Variants in MEIKIN observed in about 807,000 individuals in gnomAD.
The protein encoded by MEIKIN is meiosis-specific kinetochore protein.
intron 11 of MEIKIN, among the ~76,000 whole-genome samples, chr5:131,845,479 T>G (rs1382831324): frequency 6.6e-6 from 1 of 151,332 alleles, no homozygotes; most frequent in Admixed American, 6.6e-5. Context: ...TGATGATAAA[T>G]GTATTCAAAA....
chr5:131,851,204 G>A, intron 11 of MEIKIN, 60 bp downstream of exon 11: 1 of 395,126 alleles, frequency 2.5e-6, no homozygotes, highest in East Asian at 3.6e-5. Flanking sequence ...CATATACAAA[G>A]TATCTAATGT....
chr5:131,929,761 C>T (rs1321428580), intron 5 of MEIKIN, among the ~76,000 whole-genome samples: 5 of 152,120 alleles, frequency 3.3e-5, no homozygotes, highest in Non-Finnish European at 2.9e-5. Context: ...TGTTTAGTTC[C>T]CACTTATGAG....
intron 8 of MEIKIN, among the ~76,000 whole-genome samples, chr5:131,903,759 G>A (rs534361575): frequency 6.6e-6 from 1 of 152,084 alleles, no homozygotes; most frequent in Admixed American, 6.5e-5. Flanking sequence ...CTAACAACAT[G>A]ACAAAAGGAC....
intron 8 of MEIKIN, among the ~76,000 whole-genome samples, chr5:131,903,489 C>T (rs192958023): frequency 9.2e-5 from 14 of 152,232 alleles, no homozygotes; most frequent in Non-Finnish European, 1.6e-4. Flanking sequence ...AGAATGGGGG[C>T]CTATATTCAG....
chr5:131,910,842 T>C (rs1437558491), intron 8 of MEIKIN, among the ~76,000 whole-genome samples: 3 of 152,092 alleles, frequency 2.0e-5, no homozygotes, highest in East Asian at 1.9e-4. Flanking sequence ...TACAGAAACA[T>C]ACAGAATTCA....
At chr5:131,828,381 T>C (rs1281754656) in intron 11 of MEIKIN, among the ~76,000 whole-genome samples, 1 of 152,164 alleles carries the variant, frequency 6.6e-6, no homozygotes, top group Non-Finnish European at 1.5e-5. Context: ...CAGGCTGGTC[T>C]TGAACTCCTG....
intron 11 of MEIKIN, among the ~76,000 whole-genome samples, chr5:131,835,850 C>T (rs1486481172): frequency 6.6e-6 from 1 of 152,208 alleles, no homozygotes; most frequent in East Asian, 1.9e-4. Context: ...GCCTCGGCCT[C>T]CCAAAGTGCT....
intron 8 of MEIKIN, among the ~76,000 whole-genome samples, chr5:131,884,651 G>A (rs2149630548): frequency 6.6e-6 from 1 of 151,598 alleles, no homozygotes; most frequent in South Asian, 2.1e-4. Flanking sequence ...GAAAAGTGAG[G>A]GAAATGTAAA....
intron 8 of MEIKIN, among the ~76,000 whole-genome samples, chr5:131,901,541 C>G (rs540451445): frequency 1.5e-4 from 23 of 152,266 alleles, no homozygotes; most frequent in Admixed American, 9.2e-4. Context: ...CTGGCATGTA[C>G]AAATCCCACT....
Position 131,945,533 on chromosome 5 carries a change from G to C in MEIKIN, c.-28C>G. On this transcript the variant is annotated 5_prime_UTR_variant, in exon 1 of 13. Transcript: ENST00000442687. Reference sequence around the variant, plus strand: ...CTATCCCACCCTACCCCCAGGCCACGGGTGCCTCTGGACTCTCGATGGCCT... The same window carrying C: ...CTATCCCACCCTACCCCCAGGCCACCGGTGCCTCTGGACTCTCGATGGCCT... 5.0e-6 allele frequency: 2 copies of C among 399,966 alleles called. No homozygotes were observed. The highest frequency in any genetic ancestry group is 8.8e-6 in the Non-Finnish European group (2 of 226,164). The allele number at this position is 399,966 out of a possible 1,614,324, so 24.8% of individuals were successfully genotyped here. A position where few individuals can be genotyped will look rare whatever the true frequency, so the allele number is the denominator to read the frequency against.
intron 12 of MEIKIN, among the ~76,000 whole-genome samples, chr5:131,812,584 G>A (rs1474694937): frequency 6.6e-6 from 1 of 152,208 alleles, no homozygotes; most frequent in East Asian, 1.9e-4. Flanking sequence ...TTTTTTGGAT[G>A]TTGGAGTTAA....
chr5:131,934,513 T>C (rs1751742083), intron 4 of MEIKIN, among the ~76,000 whole-genome samples: 1 of 152,064 alleles, frequency 6.6e-6, no homozygotes, highest in Admixed American at 6.6e-5. Flanking sequence ...TAGGTATCCA[T>C]ATAAAAAAAC....
At position 131,849,418 on chromosome 5, in the gene MEIKIN, T is replaced by C. The variant is rs532982115; in HGVS notation, c.975+1846A>G. On this transcript the variant is annotated intron_variant, in intron 11 of 12. Transcript: ENST00000442687. Reference sequence around the variant, plus strand: ...TCTTTATATATATAAAGAAACCTCTTTTCTTTATATATATAAAGAAACCTC... The same window carrying C: ...TCTTTATATATATAAAGAAACCTCTCTTCTTTATATATATAAAGAAACCTC... Among the ~76,000 whole-genome samples, 158 of 116,676 alleles carry C rather than the reference T, an allele frequency of 1.4e-3. 4 individuals are homozygous for C. Among genetic ancestry groups the C allele is most frequent in the African/African-American group, 4.9e-3 (152 of 31,070 alleles). 76.5% of individuals were successfully genotyped at this position (116,676 alleles called of 152,430 possible).
chr5:131,860,754 C>CTTTTTTTTT (rs35117395), intron 9 of MEIKIN, among the ~76,000 whole-genome samples: 3 of 51,014 alleles, frequency 5.9e-5, no homozygotes, highest in Non-Finnish European at 6.4e-5. Flanking sequence ...GCCTGTTTGG[C>CTTTTTTTTT]TTTTTTTTTT....
intron 6 of MEIKIN, among the ~76,000 whole-genome samples, chr5:131,920,117 G>GT (rs1751480493): frequency 6.6e-6 from 1 of 152,180 alleles, no homozygotes; most frequent in Non-Finnish European, 1.5e-5. Flanking sequence ...TACTAAATGT[G>GT]TTTCTTACAG....
At chr5:131,909,282 A>G (rs1229074453) in intron 8 of MEIKIN, among the ~76,000 whole-genome samples, 1 of 152,156 alleles carries the variant, frequency 6.6e-6, no homozygotes, top group African/African-American at 2.4e-5. Context: ...CACCGAACTC[A>G]TTTTTTACAA....
At chr5:131,912,979 A>G (rs1198888035) in intron 7 of MEIKIN, among the ~76,000 whole-genome samples, 1 of 152,204 alleles carries the variant, frequency 6.6e-6, no homozygotes, top group African/African-American at 2.4e-5. Context: ...ATAGGAAAGG[A>G]GTTTTAGAAA....
At chr5:131,823,371 T>C (rs1223560141) in intron 11 of MEIKIN, among the ~76,000 whole-genome samples, 5 of 151,900 alleles carry the variant, frequency 3.3e-5, no homozygotes. Flanking sequence ...GTGTGCTTCA[T>C]TCTTTATTCT....
chr5:131,852,806 G>A (rs181701791), intron 10 of MEIKIN, among the ~76,000 whole-genome samples: 3 of 152,108 alleles, frequency 2.0e-5, no homozygotes, highest in Admixed American at 6.5e-5. Context: ...TTTATAAAAC[G>A]TAACTTGTAC....
Sources: gnomAD v4.1 joint callset for allele counts (sites outside exome capture counted in the v4.1 genomes callset) on GRCh38, gnomAD v4.1.1 for gene constraint, MANE v1.5 for transcripts, NCBI Gene and HGNC (gene_info 2026-07-23, HGNC 2026-07-21) for gene names.